Variants in ELMOD1 observed in about 807,000 individuals in gnomAD.
ELMOD1 encodes the protein ELMO domain containing 1.
Under a neutral mutation model 46.7 loss-of-function variants are expected in ELMOD1, and 21 were observed. The observed-to-expected ratio is 0.45, with a 90% CI of 0.32 to 0.65. The LOEUF (loss-of-function observed/expected upper bound fraction) is 0.65, where lower values mean the gene tolerates loss of function less well. Among genes scored for constraint, ELMOD1 ranks in the 30% least tolerant of loss-of-function variants. ELMOD1 has a pLI of 0.04. For missense variants in ELMOD1, 348 were observed against 407.8 expected (o/e 0.85, Z 1.26); for synonymous variants, 122 against 138.2 (o/e 0.88, Z 0.82).
intron 1 of ELMOD1, among the ~76,000 whole-genome samples, chr11:107,595,560 G>C (rs1456852873): frequency 2.0e-5 from 3 of 152,152 alleles, no homozygotes; most frequent in Non-Finnish European, 4.4e-5. Flanking sequence ...AATCCTCAAT[G>C]ACAGTTTATG....
chr11:107,597,330 T>C (rs1865509047), intron 1 of ELMOD1, among the ~76,000 whole-genome samples: 1 of 152,202 alleles, frequency 6.6e-6, no homozygotes, highest in African/African-American at 2.4e-5. Context: ...GAAGTCCTAG[T>C]TTACCAACAG....
At chr11:107,595,466 A>C (rs1565366376) in intron 1 of ELMOD1, among the ~76,000 whole-genome samples, 1 of 152,320 alleles carries the variant, frequency 6.6e-6, no homozygotes, top group East Asian at 1.9e-4. Context: ...ATGTTGCTAA[A>C]ATTTCAAGGC....
chr11:107,635,725 A>G lies in ELMOD1; in HGVS notation c.380A>G (p.Tyr127Cys), dbSNP rs1391969389. Residue 127 changes from tyrosine to cysteine, a missense_variant, in exon 6 of 12, where the codon TAT (tyrosine) becomes TGT (cysteine). Tyr to Cys is a radical substitution (Grantham distance 194). Transcript: ENST00000265840. ...GTGGAAAAACTGCGTAGAGAGGCCTATGATTCTGATAATCCCCAACATGAA... is the reference window on the plus strand; with the variant it reads ...GTGGAAAAACTGCGTAGAGAGGCCTGTGATTCTGATAATCCCCAACATGAA... ...ADVEKLRREA[Y>C]DSDNPQHEEM... is the part of the protein sequence containing the mutation. 6.2e-7 allele frequency: 1 copy of G among 1,613,954 alleles called. No homozygotes were observed. Among genetic ancestry groups the G allele is most frequent in the Non-Finnish European group, 8.5e-7 (1 of 1,179,870 alleles).
intron 1 of ELMOD1, among the ~76,000 whole-genome samples, chr11:107,617,725 C>T (rs1479631335): frequency 2.0e-5 from 3 of 152,014 alleles, no homozygotes; most frequent in Non-Finnish European, 4.4e-5. Flanking sequence ...AAGTTGGGGC[C>T]GCCAGATACT....
chr11:107,632,819 G>T (rs1173972406), intron 5 of ELMOD1, among the ~76,000 whole-genome samples: 2 of 152,122 alleles, frequency 1.3e-5, no homozygotes, highest in Admixed American at 1.3e-4. Flanking sequence ...TTCTATGAAA[G>T]TTATATAAGG....
chr11:107,594,145 G>A (rs1865452705), intron 1 of ELMOD1, among the ~76,000 whole-genome samples: 2 of 152,034 alleles, frequency 1.3e-5, no homozygotes, highest in Non-Finnish European at 2.9e-5. Flanking sequence ...GGAGGGGCGT[G>A]TCTACTGTAG....
Position 107,663,874 on chromosome 11 carries a change from G to A in ELMOD1, c.833-1151G>A, listed in dbSNP as rs1001285230. 8.5e-5 allele frequency among the ~76,000 whole-genome samples: 13 copies of A among 152,186 alleles called. No homozygotes were observed. In the South Asian group the frequency reaches 1.2e-3, roughly 15 times the overall value. On this transcript the variant is annotated intron_variant, in intron 11 of 11. Coordinates refer to ENST00000265840, the MANE Select transcript of ELMOD1 (RefSeq NM_018712.4). Reference sequence around the variant, plus strand: ...CCCATTTTCATTTATGCATGCAGGTGGAAAAGCAAGGATTCAAACCAGGTT... The same window carrying A: ...CCCATTTTCATTTATGCATGCAGGTAGAAAAGCAAGGATTCAAACCAGGTT...
At chr11:107,618,744 G>A (rs1342316656) in intron 2 of ELMOD1, among the ~76,000 whole-genome samples, 1 of 152,066 alleles carries the variant, frequency 6.6e-6, no homozygotes, top group Non-Finnish European at 1.5e-5. Flanking sequence ...AGATTGTGCT[G>A]GACAGAGTAT....
intron 9 of ELMOD1, chr11:107,653,347 G>C (rs1023258882): frequency 1.3e-5 from 2 of 148,204 alleles, no homozygotes; most frequent in African/African-American, 2.4e-5. Flanking sequence ...GAGAGAGAGA[G>C]AGAGAGAGAG....
intron 1 of ELMOD1, among the ~76,000 whole-genome samples, 171 bp from the exon 2 acceptor site, chr11:107,617,934 G>C (rs1190454545): frequency 1.3e-5 from 2 of 152,148 alleles, no homozygotes; most frequent in Non-Finnish European, 2.9e-5. Context: ...TTAATATAAA[G>C]TCTATACCTG....
At chr11:107,635,433 G>A (rs766705496) in intron 5 of ELMOD1, among the ~76,000 whole-genome samples, 12 of 152,092 alleles carry the variant, frequency 7.9e-5, no homozygotes, top group Admixed American at 5.9e-4. Flanking sequence ...GTCAGACTTC[G>A]AGGCAAATTT....
chr11:107,659,668 TGGA>T (rs1866698149), intron 11 of ELMOD1, among the ~76,000 whole-genome samples: 7 of 81,466 alleles, frequency 8.6e-5, no homozygotes, highest in African/African-American at 2.4e-4. Flanking sequence ...GGTGGGTGGA[TGGA>T]TGGATGGATG....
intron 1 of ELMOD1, among the ~76,000 whole-genome samples, chr11:107,597,486 A>C (rs1865511979): frequency 6.6e-6 from 1 of 152,200 alleles, no homozygotes; most frequent in Non-Finnish European, 1.5e-5. Context: ...TACTGTACTG[A>C]AAGTGATGCA....
chr11:107,635,810 C>G, intron 6 of ELMOD1, 45 bp downstream of exon 6: 1 of 1,574,404 alleles, frequency 6.4e-7, no homozygotes, highest in Non-Finnish European at 8.6e-7. Flanking sequence ...AGTCAGCTGA[C>G]ATTTGCCAGG....
chr11:107,594,530 T>G (rs1865460614), intron 1 of ELMOD1, among the ~76,000 whole-genome samples: 1 of 152,222 alleles, frequency 6.6e-6, no homozygotes, highest in African/African-American at 2.4e-5. Context: ...GATCTGCTCT[T>G]GACTCATACC....
intron 6 of ELMOD1, among the ~76,000 whole-genome samples, chr11:107,645,058 G>A (rs1258790446): frequency 6.7e-6 from 1 of 149,502 alleles, no homozygotes; most frequent in African/African-American, 2.5e-5. Flanking sequence ...GAATAGCTGG[G>A]ACTACAGGCG....
intron 10 of ELMOD1, among the ~76,000 whole-genome samples, chr11:107,655,723 G>A (rs1866618171): frequency 6.6e-6 from 1 of 152,054 alleles, no homozygotes; most frequent in Non-Finnish European, 1.5e-5. Flanking sequence ...TGAACAAGGG[G>A]TAGAATATTC....
At chr11:107,638,295 A>C (rs1370263594) in intron 6 of ELMOD1, among the ~76,000 whole-genome samples, 1 of 152,242 alleles carries the variant, frequency 6.6e-6, no homozygotes, top group Non-Finnish European at 1.5e-5. Flanking sequence ...AAAATCAGAA[A>C]TAATAAAACA....
intron 2 of ELMOD1, among the ~76,000 whole-genome samples, chr11:107,622,920 C>CAT (rs1865974679): frequency 6.6e-6 from 1 of 152,030 alleles, no homozygotes; most frequent in African/African-American, 2.4e-5. Flanking sequence ...TGTATGTGTG[C>CAT]ATATATATGA....
Sources: allele counts gnomAD v4.1 joint callset (sites outside exome capture counted in the v4.1 genomes callset), GRCh38; gene constraint gnomAD v4.1.1; transcripts MANE v1.5; gene names NCBI Gene and HGNC (gene_info 2026-07-23, HGNC 2026-07-21).